The following PRH1 variants were observed in gnomAD, a reference collection of about 807,000 sequenced individuals.
PRH1 encodes the protein salivary acidic proline-rich phosphoprotein 1/2.
PRH1 carries 7 observed loss-of-function variants against 7.9 expected under a neutral mutation model. The ratio of observed to expected loss-of-function variants is 0.89; its 90% CI spans 0.50 to 1.67. The LOEUF is 1.67. Among genes scored for constraint, PRH1 ranks in the 40% most tolerant of loss-of-function variants. The pLI, the probability that PRH1 is intolerant of heterozygous loss-of-function variation, is 0.00. For synonymous variants in PRH1, 45 were observed against 80.8 expected, an observed-to-expected ratio of 0.56 and a Z score of 2.38; for missense variants, 109 against 223.6, an observed-to-expected ratio of 0.49 and a Z score of 3.27.
chr12:10,931,694 C>G (rs949834338), intron 2 of PRH1, among the ~76,000 whole-genome samples: 4 of 152,130 alleles, frequency 2.6e-5, no homozygotes, highest in Admixed American at 1.3e-4. Context: ...TGCTACATAA[C>G]TATATATAAT....
chr12:10,897,568 A>C (rs1445638945), intron 2 of PRH1, among the ~76,000 whole-genome samples: 1 of 152,206 alleles, frequency 6.6e-6, no homozygotes, highest in Non-Finnish European at 1.5e-5. Context: ...TAAGAGGTTT[A>C]ATTGGCTCAT....
chr12:11,157,007 G>A (rs34274000), intron 1 of PRH1, among the ~76,000 whole-genome samples: 44,018 of 151,722 alleles, frequency 0.29, 8,260 homozygotes, highest in East Asian at 0.74. Flanking sequence ...CACCATGCCC[G>A]GCTAATTTTT....
intron 1 of PRH1, among the ~76,000 whole-genome samples, chr12:11,160,658 A>G (rs763969800): frequency 2.0e-5 from 3 of 152,068 alleles, no homozygotes; most frequent in Non-Finnish European, 4.4e-5. Flanking sequence ...TTCAGTAGAG[A>G]CGGGGTTTCA....
chr12:11,050,875 G>T (rs542550777), upstream of PRH1, among the ~76,000 whole-genome samples: 3 of 152,328 alleles, frequency 2.0e-5, no homozygotes, highest in East Asian at 5.8e-4. Flanking sequence ...AACATCATCT[G>T]GTGAGTACAC....
At chr12:10,986,158 GGAAGGA>G in intron 1 of PRH1, 2 of 1,614,082 alleles carry the variant, frequency 1.2e-6, no homozygotes, top group Admixed American at 1.7e-5. Context: ...CATAACAAGA[GGAAGGA>G]GATCAGAGTT....
intron 1 of PRH1, chr12:11,077,640 A>G: frequency 7.8e-7 from 1 of 1,283,976 alleles, no homozygotes; most frequent in South Asian, 1.1e-5. Context: ...GTTTATGCAG[A>G]GAACAGATTA....
chr12:11,048,594 G>A (rs1943007094), upstream of PRH1: 4 of 590,530 alleles, frequency 6.8e-6, no homozygotes, highest in South Asian at 7.7e-5. Context: ...TGTGCACCTT[G>A]GTGCTGAGAT....
chr12:11,031,438 C>A, intron 1 of PRH1: 4 of 933,828 alleles, frequency 4.3e-6, no homozygotes, highest in East Asian at 3.6e-5. Context: ...ATGGAGCCAC[C>A]GACCTTCACG....
Position 11,038,270 on chromosome 12 carries a change from A to C in PRH1, c.-126+8750T>G, listed in dbSNP as rs767839984. ...GTAATAACACAACAGAAACAGAAAG[A>C]GAAAAAATTGTAACGTTAACATGGA... On this transcript the variant is annotated intron_variant, in intron 1 of 3. Coordinates refer to the PRH1 transcript ENST00000539853. Among the ~76,000 whole-genome samples the C allele has an allele frequency of 9.7e-4, 148 of 152,376 alleles. 1 individual carries two copies. The highest frequency in any genetic ancestry group is 8.5e-3 in the Admixed American group (130 of 15,308).
At chr12:11,111,060 A>T (rs1158165039) in intron 1 of PRH1, among the ~76,000 whole-genome samples, 2 of 152,122 alleles carry the variant, frequency 1.3e-5, no homozygotes, top group Non-Finnish European at 1.5e-5. Context: ...CAAAGAGGAG[A>T]ATTACATAAT....
At chr12:10,966,370 AT>A (rs1456876997) in intron 2 of PRH1, among the ~76,000 whole-genome samples, 1 of 152,206 alleles carries the variant, frequency 6.6e-6, no homozygotes, top group Non-Finnish European at 1.5e-5. Flanking sequence ...GCTTGCTTTG[AT>A]TAACAGAAAA....
At chr12:11,161,803 CA>C (rs1169670105) in intron 1 of PRH1, among the ~76,000 whole-genome samples, 1 of 152,006 alleles carries the variant, frequency 6.6e-6, no homozygotes, top group East Asian at 1.9e-4. Context: ...TAACTGCCAC[CA>C]AAGTGAAAGA....
At chr12:11,055,839 C>G (rs1056198555) in intron 1 of PRH1, among the ~76,000 whole-genome samples, 1 of 150,618 alleles carries the variant, frequency 6.6e-6, no homozygotes, top group African/African-American at 2.4e-5. Context: ...AGAATCACGA[C>G]CACTGTTGAT....
upstream of PRH1, chr12:11,049,023 A>C (rs1943026977): frequency 3.1e-6 from 1 of 318,830 alleles, no homozygotes; most frequent in Non-Finnish European, 6.2e-6. Context: ...TCTTACTTCT[A>C]ATCTATGTGA....
chr12:11,087,969 G>A lies in PRH1; in HGVS notation n.124-40781C>T, dbSNP rs1439534973. ...TTATAATAATAATAACACTGTCACT[G>A]TTTTATATCATGGCTATGTCACTTC... On this transcript the variant is annotated intron_variant and non_coding_transcript_variant, in intron 1 of 4. Coordinates refer to the PRH1 transcript ENST00000541977. 1.0e-4 allele frequency among the ~76,000 whole-genome samples: 12 copies of A among 117,954 alleles called. 4 individuals are homozygous for A. The highest frequency in any genetic ancestry group is 3.4e-4 in the African/African-American group (12 of 35,076). 77.4% of individuals were successfully genotyped at this position (117,954 alleles called of 152,430 possible).
At chr12:10,938,922 T>G (rs769284134) in intron 2 of PRH1, 1 of 1,613,958 alleles carries the variant, frequency 6.2e-7, no homozygotes, top group Non-Finnish European at 8.5e-7. Flanking sequence ...AACCAGACAC[T>G]AAAATGATTG....
At chr12:10,986,633 A>G (rs189727615) in intron 1 of PRH1, 20 of 1,613,408 alleles carry the variant, frequency 1.2e-5, no homozygotes, top group Middle Eastern at 1.7e-4. Context: ...ATTCTACACT[A>G]TAAAAAGCTG....
rs568662330 is a variant in PRH1, at chr12:10,931,310, A to G, written c.-59+42345T>C. The G allele has an allele frequency of 2.3e-4, 213 of 938,384 alleles. 2 individuals are homozygous for G. The East Asian group carries it at 5.6e-3, about 25-fold the overall frequency. The allele number at this position is 938,384 out of a possible 1,614,324, so 58.1% of individuals were successfully genotyped here. A position where few individuals can be genotyped will look rare whatever the true frequency, so the allele number is the denominator to read the frequency against. ...ACTATCTTCAAATTACCTCTCTTAAATAGGGTTGGGAATGAGGACATAGAA... is the reference window on the plus strand; with the variant it reads ...ACTATCTTCAAATTACCTCTCTTAAGTAGGGTTGGGAATGAGGACATAGAA... On this transcript the variant is annotated intron_variant, in intron 2 of 3. Coordinates refer to the PRH1 transcript ENST00000539853.
intron 1 of PRH1, chr12:11,030,730 C>T: frequency 6.2e-7 from 1 of 1,614,160 alleles, no homozygotes; most frequent in South Asian, 1.1e-5. Flanking sequence ...GATGTTTACA[C>T]AGAGAACAGA....
Sources: gnomAD v4.1 joint callset for allele counts (sites outside exome capture counted in the v4.1 genomes callset) on GRCh38, gnomAD v4.1.1 for gene constraint, MANE v1.5 for transcripts, NCBI Gene and HGNC (gene_info 2026-07-23, HGNC 2026-07-21) for gene names.